C10orf90: variants seen among roughly 807,000 people sequenced by gnomAD.
C10orf90 encodes the protein chromosome 10 open reading frame 90, also known as (E2-independent) E3 ubiquitin-conjugating enzyme FATS.
C10orf90 carries 56 observed loss-of-function variants against 62.5 expected under a neutral mutation model. That is an observed-to-expected ratio of 0.90 (90% confidence interval 0.72 to 1.12). The LOEUF is 1.12. C10orf90 is among the 50% of genes most tolerant of loss of function. C10orf90 has a pLI of 0.00. For missense variants in C10orf90, 970 were observed against 880.4 expected (o/e 1.10, Z -1.29); for synonymous variants, 386 against 340.4 (o/e 1.13, Z -1.47).
At chr10:126,431,823 A>C (rs1857588924) in intron 7 of C10orf90, among the ~76,000 whole-genome samples, 1 of 151,986 alleles carries the variant, frequency 6.6e-6, no homozygotes, top group South Asian at 2.1e-4. Context: ...TCTTTAGAGC[A>C]CCTGATACCA....
intron 4 of C10orf90, among the ~76,000 whole-genome samples, chr10:126,483,987 C>T (rs1344520107): frequency 2.0e-5 from 3 of 152,176 alleles, no homozygotes; most frequent in Non-Finnish European, 4.4e-5. Context: ...TCTGTAGGCT[C>T]AACAGAGGCT....
intron 7 of C10orf90, among the ~76,000 whole-genome samples, chr10:126,441,286 T>C (rs921471527): frequency 1.3e-5 from 2 of 151,880 alleles, no homozygotes; most frequent in African/African-American, 4.8e-5. Context: ...AAGAAAGAAA[T>C]TCAGAGCTCA....
chr10:126,486,499 C>A (rs1308637580), intron 4 of C10orf90, among the ~76,000 whole-genome samples: 1 of 151,986 alleles, frequency 6.6e-6, no homozygotes, highest in Non-Finnish European at 1.5e-5. Context: ...ACACATATGC[C>A]TCAGATAAAA....
intron 4 of C10orf90, among the ~76,000 whole-genome samples, chr10:126,471,950 C>A (rs937229487): frequency 6.6e-6 from 1 of 152,152 alleles, no homozygotes; most frequent in Non-Finnish European, 1.5e-5. Context: ...CACGTGCACA[C>A]ACTCATGCCC....
chr10:126,589,332 C>T (rs1457537253), intron 2 of C10orf90, among the ~76,000 whole-genome samples: 2 of 152,120 alleles, frequency 1.3e-5, no homozygotes, highest in Non-Finnish European at 1.5e-5. Context: ...GACAGGCCAA[C>T]ATTCAAATTC....
In C10orf90 at chr10:126,629,920, T is replaced by C. The variant is rs566183580; in HGVS notation, c.313+16645A>G. On this transcript the variant is annotated intron_variant, in intron 2 of 9. Transcript: ENST00000488181. ...GGGTCTCCAGACCCCAATGATCATC[T>C]GTAAACCTCACTGCTAGACAAGCCT... 2.3e-4 allele frequency among the ~76,000 whole-genome samples: 35 copies of C among 152,348 alleles called. 1 individual carries two copies. The highest frequency in any genetic ancestry group is 8.4e-4 in the African/African-American group (35 of 41,592).
At chr10:126,432,430 G>A (rs116082209) in intron 7 of C10orf90, among the ~76,000 whole-genome samples, 2,008 of 152,254 alleles carry the variant, frequency 0.013, 36 homozygotes, top group African/African-American at 0.04. Context: ...AGATAAGACC[G>A]TCCCTTCATG....
chr10:126,549,620 C>T (rs951903539), intron 2 of C10orf90, among the ~76,000 whole-genome samples: 2 of 151,946 alleles, frequency 1.3e-5, no homozygotes, highest in South Asian at 2.1e-4. Flanking sequence ...CCTTAAAAAA[C>T]TAAATATGTA....
chr10:126,628,169 C>T lies in C10orf90; in HGVS notation c.313+18396G>A, dbSNP rs117330535. ...TACCAGGCTGGGTCACTCCTGTGTT[C>T]TGTGGCTCAGTTTTCTTATTGGACA... is the stretch of plus-strand genomic sequence containing the variant. On this transcript the variant is annotated intron_variant, in intron 2 of 9. Transcript: ENST00000488181. 6.8e-4 allele frequency among the ~76,000 whole-genome samples: 103 copies of T among 152,348 alleles called. 1 individual carries two copies. The East Asian group carries it at 0.018, about 27-fold the overall frequency.
chr10:126,427,678 C>T (rs1443842855), intron 8 of C10orf90, among the ~76,000 whole-genome samples: 1 of 152,202 alleles, frequency 6.6e-6, no homozygotes, highest in Non-Finnish European at 1.5e-5. Context: ...ACATCAGACT[C>T]CAGATTCTTC....
chr10:126,539,558 T>C (rs1483568424), intron 2 of C10orf90, among the ~76,000 whole-genome samples: 2 of 152,156 alleles, frequency 1.3e-5, no homozygotes, highest in African/African-American at 4.8e-5. Flanking sequence ...GCCAAACTAC[T>C]ACAGAAATAA....
chr10:126,624,427 C>T lies in C10orf90; in HGVS notation c.313+22138G>A, dbSNP rs374531302. Among the ~76,000 whole-genome samples the T allele has an allele frequency of 2.3e-4, 35 of 152,206 alleles. No homozygotes were observed. The South Asian group carries it at 7.3e-3, about 32-fold the overall frequency. ...TGATGACGAGATAGTACAACATGGC[C>T]CTTTTTGTGTGTCACTTTGCATTTG... On this transcript the variant is annotated intron_variant, in intron 2 of 9. Coordinates refer to ENST00000488181, the MANE Select transcript of C10orf90 (RefSeq NM_001350921.2).
At chr10:126,461,935 G>A (rs1432756523) in intron 5 of C10orf90, among the ~76,000 whole-genome samples, 1 of 152,086 alleles carries the variant, frequency 6.6e-6, no homozygotes, top group Non-Finnish European at 1.5e-5. Context: ...CGGTTGTTTT[G>A]GGACAGTGTA....
intron 2 of C10orf90, among the ~76,000 whole-genome samples, chr10:126,542,811 C>T (rs543095312): frequency 1.3e-5 from 2 of 152,260 alleles, no homozygotes; most frequent in Non-Finnish European, 2.9e-5. Context: ...GGGAGGAAAA[C>T]TTGGCAGTAT....
chr10:126,433,149 T>A (rs1429858268), intron 7 of C10orf90, among the ~76,000 whole-genome samples: 1 of 152,042 alleles, frequency 6.6e-6, no homozygotes, highest in African/African-American at 2.4e-5. Context: ...CCAGGAGAGA[T>A]GAATCAAGGA....
chr10:126,557,026 A>G (rs1243114302), intron 2 of C10orf90, among the ~76,000 whole-genome samples: 1 of 151,264 alleles, frequency 6.6e-6, no homozygotes, highest in African/African-American at 2.4e-5. Flanking sequence ...AAAAAAAAAA[A>G]AGGCAAAAAC....
At chr10:126,480,728 C>T (rs1244683460) in intron 4 of C10orf90, among the ~76,000 whole-genome samples, 1 of 152,234 alleles carries the variant, frequency 6.6e-6, no homozygotes, top group Non-Finnish European at 1.5e-5. Context: ...TCCCTATGTT[C>T]TGCATGGAAT....
At chr10:126,431,928 T>G (rs1051818453) in intron 7 of C10orf90, among the ~76,000 whole-genome samples, 4 of 152,200 alleles carry the variant, frequency 2.6e-5, no homozygotes, top group Admixed American at 2.6e-4. Flanking sequence ...CGGCTCAGCC[T>G]GCTGTGCCAC....
intron 2 of C10orf90, among the ~76,000 whole-genome samples, chr10:126,645,588 TAAAAA>T (rs779008025): frequency 1.1e-5 from 1 of 93,188 alleles, no homozygotes. Context: ...AGACCCTGCC[TAAAAA>T]AAAAAAAAAA....
Sources: gnomAD v4.1 joint callset for allele counts (sites outside exome capture counted in the v4.1 genomes callset) on GRCh38, gnomAD v4.1.1 for gene constraint, MANE v1.5 for transcripts, NCBI Gene and HGNC (gene_info 2026-07-23, HGNC 2026-07-21) for gene names.